RSPH14: variants seen among roughly 807,000 people sequenced by gnomAD.
RSPH14 encodes rhabdoid tumor deletion region gene 1.
In RSPH14, 20 loss-of-function variants were observed where a neutral mutation model predicts 26.7. That is an observed-to-expected ratio of 0.75 (90% CI 0.53 to 1.09). The LOEUF (loss-of-function observed/expected upper bound fraction) is 1.09, where lower values mean the gene tolerates loss of function less well. Among genes scored for constraint, RSPH14 ranks in the 50% least tolerant of loss-of-function variants. The probability of loss-of-function intolerance (pLI) is 0.00; values close to 1 mark genes in which losing one functional copy is unlikely to be tolerated. For missense variants in RSPH14, 449 were observed against 457.2 expected (o/e 0.98, Z 0.16); for synonymous variants, 177 against 189.3 (o/e 0.93, Z 0.53).
In RSPH14 at chr22:23,059,594, G is replaced by A. The variant is rs780184601; in HGVS notation, c.915C>T (p.Gly305=). ...ALTMLAEAPE[G]RKALQTHVPT... ...GCACGTGCGTCTGCAGGGCCTTGCGGCCCTCGGGGGCCTCTGCCAGCATGG... is the reference window on the plus strand; with the variant it reads ...GCACGTGCGTCTGCAGGGCCTTGCGACCCTCGGGGGCCTCTGCCAGCATGG... The change falls in exon 7 of 7, where the codon GGC becomes GGT. Residue 305 remains glycine (G), a synonymous_variant. Coordinates refer to ENST00000216036, the MANE Select transcript of RSPH14 (RefSeq NM_014433.3). The A allele has an allele frequency of 6.2e-7, 1 of 1,613,680 alleles. No individual in the cohort carries two copies. Among genetic ancestry groups the A allele is most frequent in the African/African-American group, 1.3e-5 (1 of 74,896 alleles).
At chr22:23,114,819 C>G (rs576636462) in intron 4 of RSPH14, among the ~76,000 whole-genome samples, 2 of 152,328 alleles carry the variant, frequency 1.3e-5, no homozygotes, top group Non-Finnish European at 2.9e-5. Flanking sequence ...TCCTGCCTGT[C>G]CTCACCCACC....
At chr22:23,150,137 G>GC in the RSPH14 span, 11 of 1,612,238 alleles carry the variant, frequency 6.8e-6, no homozygotes, top group South Asian at 1.2e-4. Context: ...GCCAACGCAG[G>GC]AACACGGGGA....
chr22:23,145,901 G>C (rs941922086), upstream of RSPH14: 31 of 855,032 alleles, frequency 3.6e-5, 1 homozygote, highest in Admixed American at 1.2e-4. Flanking sequence ...CAGGGAAAAG[G>C]CCTAGTTGGC....
chr22:23,177,548 C>CCCCATG, the RSPH14 span, among the ~76,000 whole-genome samples: 2 of 152,072 alleles, frequency 1.3e-5, no homozygotes, highest in South Asian at 2.1e-4. Flanking sequence ...TGTGTCTAAA[C>CCCCATG]CCCATGCCCA....
chr22:23,088,127 A>G (rs139499489), intron 4 of RSPH14, among the ~76,000 whole-genome samples: 1 of 152,316 alleles, frequency 6.6e-6, no homozygotes, highest in East Asian at 1.9e-4. Context: ...AATCTCTTTC[A>G]CTGTCTCAGT....
chr22:23,165,874 C>T, the RSPH14 span, among the ~76,000 whole-genome samples: 1 of 152,134 alleles, frequency 6.6e-6, no homozygotes, highest in Non-Finnish European at 1.5e-5. Flanking sequence ...AGGCTGGGCA[C>T]AGTGGCTCAT....
rs117662831 is a variant in RSPH14, at chr22:23,061,769, G to A, written c.790+40C>T. 3.4e-3 allele frequency: 5,464 copies of A among 1,611,236 alleles called. 19 individuals carry two copies. Among genetic ancestry groups the A allele is most frequent in the Non-Finnish European group, 4.3e-3 (5,054 of 1,179,434 alleles). On this transcript the variant is annotated intron_variant, in intron 6 of 6. Transcript: ENST00000216036. ...GAAAGCTCATCACGGCTGCTAGCCT[G>A]CTAGGGTCTCCCTCCCTGCGGCACC...
At chr22:23,070,229 CGGCGCGTGGTGCCCGGCG>C (rs1289653975) in intron 4 of RSPH14, 1 of 150,432 alleles carries the variant, frequency 6.6e-6, no homozygotes, top group Non-Finnish European at 1.5e-5. Flanking sequence ...CGGAGGTGCC[CGGCGCGTGGTGCCCGGCG>C]GGCGCGCGGC....
upstream of RSPH14, chr22:23,146,765 A>G: frequency 6.5e-7 from 1 of 1,550,336 alleles, no homozygotes; most frequent in Non-Finnish European, 8.7e-7. Flanking sequence ...CATGCCTAGA[A>G]GTAAAGCAGG....
Position 23,071,299 on chromosome 22 carries a change from G to A in RSPH14, c.422-7166C>T, listed in dbSNP as rs1006767335. Among the ~76,000 whole-genome samples, 1 of 152,202 alleles carries A rather than the reference G, an allele frequency of 6.6e-6. No individual in the cohort carries two copies. The highest frequency in any genetic ancestry group is 1.5e-5 in the Non-Finnish European group (1 of 68,032). ...GAGGGGGCTCTGCCTTTAGGGCGGT[G>A]CTGAGCCTTCCTGGGTGATGATGGC... On this transcript the variant is annotated intron_variant, in intron 4 of 6. Coordinates refer to ENST00000216036, the MANE Select transcript of RSPH14 (RefSeq NM_014433.3). The surrounding 1 kb of genome is among the most constrained non-coding windows in gnomAD (Gnocchi z 4.1).
At chr22:23,091,314 G>A (rs564223654) in intron 4 of RSPH14, among the ~76,000 whole-genome samples, 1 of 151,954 alleles carries the variant, frequency 6.6e-6, no homozygotes, top group African/African-American at 2.4e-5. Flanking sequence ...ATGCATACAC[G>A]CACACATACC....
the RSPH14 span, chr22:23,163,739 G>A: frequency 6.6e-6 from 1 of 152,058 alleles, no homozygotes. Context: ...TATTCCTTCT[G>A]GACTCTGTGC....
At chr22:23,159,278 T>C in the RSPH14 span, 2 of 1,557,464 alleles carry the variant, frequency 1.3e-6, no homozygotes, top group Non-Finnish European at 8.7e-7. Context: ...GCTGTCACCA[T>C]GGTGGGGCAG....
chr22:23,149,475 C>T (rs2070982178), upstream of RSPH14, among the ~76,000 whole-genome samples: 1 of 152,136 alleles, frequency 6.6e-6, no homozygotes, highest in Admixed American at 6.5e-5. Context: ...GCAGAAAGCG[C>T]CTCCTAGGAC....
chr22:23,111,708 C>G (rs2069664871), intron 4 of RSPH14, among the ~76,000 whole-genome samples: 1 of 152,234 alleles, frequency 6.6e-6, no homozygotes, highest in Non-Finnish European at 1.5e-5. Flanking sequence ...TTTCAGAACA[C>G]AAGACAGCCA....
chr22:23,126,799 A>G (rs2070194287), intron 4 of RSPH14, among the ~76,000 whole-genome samples: 2 of 152,160 alleles, frequency 1.3e-5, no homozygotes, highest in Non-Finnish European at 2.9e-5. Flanking sequence ...GTCCTACTTC[A>G]CGCAGCCCCA....
chr22:23,063,542 T>C (rs1215666208), intron 5 of RSPH14, among the ~76,000 whole-genome samples: 2 of 151,950 alleles, frequency 1.3e-5, no homozygotes, highest in Non-Finnish European at 2.9e-5. Context: ...CCCTGGAGGG[T>C]CGCCTAAATG....
the RSPH14 span, among the ~76,000 whole-genome samples, chr22:23,156,804 G>A: frequency 1.3e-5 from 2 of 152,278 alleles, no homozygotes; most frequent in Admixed American, 6.5e-5. Flanking sequence ...TGCACCCTTC[G>A]CCTCTTCGGG....
chr22:23,080,228 CAG>C (rs1354396368), intron 4 of RSPH14, among the ~76,000 whole-genome samples: 1 of 152,230 alleles, frequency 6.6e-6, no homozygotes, highest in Non-Finnish European at 1.5e-5. Flanking sequence ...CCTCCTGAGT[CAG>C]TGTTCCTCAG....
Sources: gnomAD v4.1 joint callset for allele counts (sites outside exome capture counted in the v4.1 genomes callset) on GRCh38, gnomAD v4.1.1 for gene constraint, Gnocchi (gnomAD v3.1) non-coding constraint, MANE v1.5 for transcripts, NCBI Gene and HGNC (gene_info 2026-07-23, HGNC 2026-07-21) for gene names.